The following PIBF1 variants were observed in gnomAD, a reference collection of about 807,000 sequenced individuals.
PIBF1 encodes the protein progesterone immunomodulatory binding factor 1.
Under a neutral mutation model 112.5 loss-of-function variants are expected in PIBF1, and 90 were observed. The ratio of observed to expected loss-of-function variants is 0.80; its 90% CI spans 0.67 to 0.95. PIBF1 has a LOEUF of 0.95. Ranked by LOEUF, PIBF1 falls within the 40% of genes least tolerant of loss-of-function variation. The pLI, the probability that PIBF1 is intolerant of heterozygous loss-of-function variation, is 0.00. For missense variants in PIBF1, 915 were observed against 852.3 expected (o/e 1.07, Z -0.92); for synonymous variants, 301 against 288.6 (o/e 1.04, Z -0.44).
intron 10 of PIBF1, among the ~76,000 whole-genome samples, chr13:72,886,542 A>G (rs936587475): frequency 4.6e-5 from 7 of 151,904 alleles, no homozygotes; most frequent in African/African-American, 1.4e-4. Flanking sequence ...CATTTGTTTC[A>G]GTTAAGTACT....
At chr13:72,849,667 A>T (rs1428912917) in intron 9 of PIBF1, among the ~76,000 whole-genome samples, 1 of 152,204 alleles carries the variant, frequency 6.6e-6, no homozygotes, top group African/African-American at 2.4e-5. Context: ...TGAGGTGGTC[A>T]TGTAATATAA....
rs1427412708 is a variant in PIBF1, at chr13:72,850,769, TTATC to T, written c.1224-3284_1224-3281del. Among the ~76,000 whole-genome samples, 5 of 40,698 alleles carry T rather than the reference TTATC, an allele frequency of 1.2e-4. No individual in the cohort carries two copies. In the South Asian group the frequency reaches 3.5e-3, roughly 28 times the overall value. 26.7% of individuals were successfully genotyped at this position (40,698 alleles called of 152,430 possible). A position where few individuals can be genotyped will look rare whatever the true frequency, so the allele number is the denominator to read the frequency against. ...AAATGTTTAATATAGTTTGAGAACT[TTATC>T]TATAACATTAATTTTTTATGTTTCA... On this transcript the variant is annotated intron_variant, in intron 9 of 17. Transcript: ENST00000326291.
chr13:72,915,554 T>C (rs942697389), intron 12 of PIBF1, among the ~76,000 whole-genome samples: 1 of 152,180 alleles, frequency 6.6e-6, no homozygotes, highest in Non-Finnish European at 1.5e-5. Context: ...AATTTACCCC[T>C]CTCTCCTCTG....
At chr13:72,902,090 C>G (rs1041480992) in intron 11 of PIBF1, among the ~76,000 whole-genome samples, 1 of 147,048 alleles carries the variant, frequency 6.8e-6, no homozygotes, top group Non-Finnish European at 1.5e-5. Context: ...TTGCAGTGAC[C>G]TAAATGAGAT....
At chr13:72,877,928 T>C (rs1488437112) in intron 10 of PIBF1, among the ~76,000 whole-genome samples, 1 of 152,064 alleles carries the variant, frequency 6.6e-6, no homozygotes, top group Non-Finnish European at 1.5e-5. Flanking sequence ...TTTGTATTTT[T>C]AGTAGAGATG....
At chr13:72,969,457 CTT>C (rs1327022926) in intron 15 of PIBF1, 1 of 152,072 alleles carries the variant, frequency 6.6e-6, no homozygotes, top group Non-Finnish European at 1.5e-5. Context: ...GATATGAAAT[CTT>C]ATTCTTAATT....
chr13:72,783,867 T>C (rs1305284581), intron 2 of PIBF1, 146 bp downstream of exon 2: 1 of 858,198 alleles, frequency 1.2e-6, no homozygotes, highest in Non-Finnish European at 1.8e-6. Context: ...ATTTTGGTGT[T>C]CATAGAAGTA....
At chr13:72,985,832 A>G (rs886269867) in intron 16 of PIBF1, among the ~76,000 whole-genome samples, 2 of 152,056 alleles carry the variant, frequency 1.3e-5, no homozygotes, top group Non-Finnish European at 2.9e-5. Context: ...ATATGCAACA[A>G]AACCCATCAA....
At chr13:72,955,614 TAC>T (rs376755302) in intron 14 of PIBF1, among the ~76,000 whole-genome samples, 3 of 151,348 alleles carry the variant, frequency 2.0e-5, no homozygotes, top group East Asian at 3.9e-4. Context: ...CACACATACA[TAC>T]ACACACACAC....
intron 10 of PIBF1, among the ~76,000 whole-genome samples, chr13:72,859,877 A>G (rs958912548): frequency 3.9e-5 from 6 of 152,206 alleles, no homozygotes; most frequent in African/African-American, 1.2e-4. Flanking sequence ...CATAACTGCA[A>G]AAAGATTCAA....
At chr13:72,919,903 G>T (rs1198702935) in intron 13 of PIBF1, among the ~76,000 whole-genome samples, 1 of 152,142 alleles carries the variant, frequency 6.6e-6, no homozygotes, top group Non-Finnish European at 1.5e-5. Context: ...GAGCTCAAGA[G>T]GTCGAGGCAG....
intron 15 of PIBF1, among the ~76,000 whole-genome samples, chr13:72,968,571 G>A (rs1248182988): frequency 6.6e-6 from 1 of 152,030 alleles, no homozygotes; most frequent in Non-Finnish European, 1.5e-5. Flanking sequence ...AAAGTGCTGG[G>A]ATTACAGGCA....
intron 10 of PIBF1, among the ~76,000 whole-genome samples, chr13:72,876,388 C>T (rs2138463820): frequency 6.6e-6 from 1 of 152,050 alleles, no homozygotes; most frequent in Admixed American, 6.6e-5. Flanking sequence ...TTTTATTCTT[C>T]TCTTTCCATA....
rs7994521 is a variant in PIBF1 at position 72,892,849 on chromosome 13, T to C, written c.1323-935T>C. Among the ~76,000 whole-genome samples the C allele has an allele frequency of 1.0e-3, 152 of 150,108 alleles. 1 individual carries two copies. Among genetic ancestry groups the C allele is most frequent in the African/African-American group, 3.4e-3 (139 of 41,182 alleles). On this transcript the variant is annotated intron_variant, in intron 10 of 17. Coordinates refer to ENST00000326291, the MANE Select transcript of PIBF1 (RefSeq NM_006346.4). Reference sequence around the variant, plus strand: ...ACCCCTCTATACAAACCAAGTTAGGTCTCCTTCATATGTGTTCCCACTGAA... The same window carrying C: ...ACCCCTCTATACAAACCAAGTTAGGCCTCCTTCATATGTGTTCCCACTGAA...
At chr13:72,966,621 T>C (rs2042746099) in intron 15 of PIBF1, among the ~76,000 whole-genome samples, 1 of 152,140 alleles carries the variant, frequency 6.6e-6, no homozygotes, top group African/African-American at 2.4e-5. Context: ...AATTTGAATA[T>C]TTTTTGGCCA....
chr13:73,014,848 C>T (rs2044336550), intron 17 of PIBF1, among the ~76,000 whole-genome samples: 1 of 152,076 alleles, frequency 6.6e-6, no homozygotes, highest in South Asian at 2.1e-4. Flanking sequence ...GAGTGCAATA[C>T]CACAATCTCA....
chr13:72,818,092 A>T (rs1445869445), intron 5 of PIBF1, among the ~76,000 whole-genome samples: 1 of 152,074 alleles, frequency 6.6e-6, no homozygotes, highest in Non-Finnish European at 1.5e-5. Context: ...TATGTATATA[A>T]CATTAATAAT....
chr13:72,938,511 G>A (rs894718831), intron 14 of PIBF1, among the ~76,000 whole-genome samples: 1 of 152,172 alleles, frequency 6.6e-6, no homozygotes, highest in East Asian at 1.9e-4. Context: ...TTCAGGGTTC[G>A]TATTTTGCCA....
intron 7 of PIBF1, 111 bp downstream of exon 7, chr13:72,827,229 A>G (rs2138156557): frequency 2.3e-6 from 1 of 431,204 alleles, no homozygotes; most frequent in East Asian, 4.0e-5. Flanking sequence ...GTTCCTCCCA[A>G]AAAGATAAAT....
Sources: gnomAD v4.1 joint callset for allele counts (sites outside exome capture counted in the v4.1 genomes callset) on GRCh38, gnomAD v4.1.1 for gene constraint, MANE v1.5 for transcripts, NCBI Gene and HGNC (gene_info 2026-07-23, HGNC 2026-07-21) for gene names.